Variants in RASGRP1 observed in about 807,000 individuals in gnomAD.
RASGRP1 encodes the protein RAS guanyl-releasing protein 1.
Under a neutral mutation model 95.1 loss-of-function variants are expected in RASGRP1, and 37 were observed. The ratio of observed to expected loss-of-function variants is 0.39; its 90% confidence interval spans 0.30 to 0.51. The LOEUF (loss-of-function observed/expected upper bound fraction) is 0.51. RASGRP1 is among the 20% of genes least tolerant of loss of function. The probability of loss-of-function intolerance (pLI) is 0.80; values close to 1 mark genes in which losing one functional copy is unlikely to be tolerated. For synonymous variants in RASGRP1, 325 were observed against 353.4 expected, an observed-to-expected ratio of 0.92 and a Z score of 0.90; for missense variants, 711 against 965.4, an observed-to-expected ratio of 0.74 and a Z score of 3.49.
At chr15:38,545,934 C>T (rs1416683130) in intron 2 of RASGRP1, among the ~76,000 whole-genome samples, 1 of 152,166 alleles carries the variant, frequency 6.6e-6, no homozygotes, top group Non-Finnish European at 1.5e-5. Context: ...TGCATTAATA[C>T]AGCTCAAATT....
intron 2 of RASGRP1, among the ~76,000 whole-genome samples, chr15:38,554,785 C>A (rs1457864518): frequency 2.6e-5 from 4 of 152,216 alleles, no homozygotes; most frequent in Non-Finnish European, 5.9e-5. Flanking sequence ...CAAGTGCCCC[C>A]GAGGACCATC....
chr15:38,509,577 T>G (rs1891414301), intron 8 of RASGRP1, among the ~76,000 whole-genome samples: 1 of 151,970 alleles, frequency 6.6e-6, no homozygotes, highest in African/African-American at 2.4e-5. Flanking sequence ...AAATACAAAA[T>G]TAACCCGGCG....
chr15:38,495,544 A>T (rs1355691873), intron 15 of RASGRP1, among the ~76,000 whole-genome samples: 2 of 152,236 alleles, frequency 1.3e-5, no homozygotes, highest in Non-Finnish European at 2.9e-5. Context: ...ACATTGGATT[A>T]GTATAGTCAA....
intron 6 of RASGRP1, among the ~76,000 whole-genome samples, chr15:38,514,170 A>G (rs549981127): frequency 6.6e-6 from 1 of 152,314 alleles, no homozygotes; most frequent in South Asian, 2.1e-4. Context: ...CCTAAGTAGT[A>G]AATATATAGA....
At chr15:38,504,508 A>G (rs1891176170) in intron 10 of RASGRP1, 1 of 152,184 alleles carries the variant, frequency 6.6e-6, no homozygotes, top group African/African-American at 2.4e-5. Flanking sequence ...ATATAGAGTC[A>G]AGATCATCAA....
intron 1 of RASGRP1, among the ~76,000 whole-genome samples, chr15:38,561,058 A>C (rs908649609): frequency 6.6e-6 from 1 of 152,216 alleles, no homozygotes; most frequent in South Asian, 2.1e-4. Context: ...GCATTTAGTT[A>C]ATTCTCCTCT....
intron 2 of RASGRP1, among the ~76,000 whole-genome samples, chr15:38,540,631 A>G (rs142661257): frequency 1.6e-3 from 249 of 152,334 alleles, no homozygotes; most frequent in Non-Finnish European, 2.7e-3. Flanking sequence ...CCTTTAATCT[A>G]TGTTAATGTC....
In RASGRP1 at chr15:38,526,395, C is replaced by T; in HGVS notation, c.230G>A (p.Gly77Glu). Residue 77 changes from glycine (G) to glutamate (E), a missense_variant, in exon 3 of 17, where the codon GGA (glycine) becomes GAA (glutamate). Physicochemically the swap from Gly to Glu is moderately conservative, Grantham distance 98. This residue lies in a region of RASGRP1 where 491 missense variants were observed against 676.6 expected (regional missense o/e 0.73). Coordinates refer to ENST00000310803, the MANE Select transcript of RASGRP1 (RefSeq NM_005739.4). Reference protein sequence around the residue: ...DSCIQSFDADGNLCRSNQLLQ... With the variant: ...DSCIQSFDADENLCRSNQLLQ... ...CAGTTGGTTACTTCGACACAGGTTTCCATCTGCATCTGAAAATATAAAGAG... is the reference window on the plus strand; with the variant it reads ...CAGTTGGTTACTTCGACACAGGTTTTCATCTGCATCTGAAAATATAAAGAG... 1 of 1,612,770 alleles carries T rather than the reference C, an allele frequency of 6.2e-7. No individual in the cohort carries two copies. Among genetic ancestry groups the T allele is most frequent in the Non-Finnish European group, 8.5e-7 (1 of 1,179,104 alleles).
intron 2 of RASGRP1, among the ~76,000 whole-genome samples, chr15:38,537,434 C>T (rs944663715): frequency 2.0e-5 from 3 of 152,130 alleles, no homozygotes; most frequent in Admixed American, 2.0e-4. Context: ...TGCCACACAT[C>T]TGGCTGGGTA....
intron 2 of RASGRP1, among the ~76,000 whole-genome samples, chr15:38,529,686 A>C (rs1426213051): frequency 6.6e-6 from 1 of 152,184 alleles, no homozygotes; most frequent in African/African-American, 2.4e-5. Context: ...TTCCACAACT[A>C]TATTTCCAGG....
At chr15:38,509,250 C>G (rs1389520242) in intron 8 of RASGRP1, among the ~76,000 whole-genome samples, 1 of 152,176 alleles carries the variant, frequency 6.6e-6, no homozygotes, top group African/African-American at 2.4e-5. Flanking sequence ...CATCATTACT[C>G]TTGCACTGTG....
chr15:38,528,741 A>G (rs1299230766), intron 2 of RASGRP1, among the ~76,000 whole-genome samples: 1 of 152,102 alleles, frequency 6.6e-6, no homozygotes, highest in African/African-American at 2.4e-5. Context: ...TTTCACTACT[A>G]TTTTCTAGAT....
chr15:38,501,986 C>G (rs899284997), intron 12 of RASGRP1, among the ~76,000 whole-genome samples: 3 of 151,896 alleles, frequency 2.0e-5, no homozygotes, highest in African/African-American at 7.3e-5. Flanking sequence ...TCCCGAGTAG[C>G]TGGGATTACA....
intron 8 of RASGRP1, among the ~76,000 whole-genome samples, chr15:38,510,184 G>A (rs1891446070): frequency 6.6e-6 from 1 of 152,216 alleles, no homozygotes; most frequent in African/African-American, 2.4e-5. Flanking sequence ...GCTACCGACA[G>A]GAAGCACTGC....
intron 2 of RASGRP1, among the ~76,000 whole-genome samples, chr15:38,544,693 A>T (rs1215907094): frequency 6.6e-6 from 1 of 152,218 alleles, no homozygotes; most frequent in African/African-American, 2.4e-5. Context: ...TCTCTTTATA[A>T]ATTACCCAGT....
intron 11 of RASGRP1, 186 bp downstream of exon 11, chr15:38,503,086 A>G (rs983299350): frequency 5.0e-6 from 3 of 597,102 alleles, no homozygotes; most frequent in Admixed American, 3.0e-5. Flanking sequence ...CTGCCTTCAT[A>G]TGAGTCCAGT....
chr15:38,501,502 G>A, intron 12 of RASGRP1: 1 of 703,092 alleles, frequency 1.4e-6, no homozygotes, highest in Non-Finnish European at 2.5e-6. Flanking sequence ...CATTTCCACA[G>A]AGGTGTTCTT....
At chr15:38,522,863 A>T (rs1466277559) in intron 3 of RASGRP1, among the ~76,000 whole-genome samples, 1 of 152,204 alleles carries the variant, frequency 6.6e-6, no homozygotes, top group East Asian at 1.9e-4. Flanking sequence ...TAGTCTGCAG[A>T]GGCTCAGAAA....
intron 14 of RASGRP1, 28 bp from the exon 15 acceptor site, chr15:38,498,974 A>C: frequency 6.2e-7 from 1 of 1,613,864 alleles, no homozygotes; most frequent in Non-Finnish European, 8.5e-7. Flanking sequence ...TGGGTCAAGA[A>C]GTCTTTCACT....
Sources: gnomAD v4.1 joint callset for allele counts (sites outside exome capture counted in the v4.1 genomes callset) on GRCh38, gnomAD v4.1.1 for gene constraint, gnomAD v4.1.1 regional missense constraint, MANE v1.5 for transcripts, NCBI Gene and HGNC (gene_info 2026-07-23, HGNC 2026-07-21) for gene names.